COL11A2: variants seen among roughly 807,000 people sequenced by gnomAD.
The protein encoded by COL11A2 is collagen alpha-2(XI) chain.
Under a neutral mutation model 273.4 loss-of-function variants are expected in COL11A2, and 116 were observed. The observed-to-expected ratio is 0.42, with a 90% CI of 0.36 to 0.49. The LOEUF (loss-of-function observed/expected upper bound fraction) is 0.49. COL11A2 is among the 20% of genes least tolerant of loss of function. The probability of loss-of-function intolerance (pLI) is 0.00; values close to 1 mark genes in which losing one functional copy is unlikely to be tolerated. For synonymous variants in COL11A2, 782 were observed against 864.2 expected, an observed-to-expected ratio of 0.90 and a Z score of 1.67; for missense variants, 1,866 against 2,309.0, an observed-to-expected ratio of 0.81 and a Z score of 3.93.
chr6:33,192,146 G>C lies in COL11A2; in HGVS notation c.82+13C>G. The stretch of plus-strand genomic sequence containing the variant: ...CCTGACTCCGAGGACCCAGGCATCA[G>C]GACTCCTCTTACCTGCCCAGCCTGG... On this transcript the variant is annotated intron_variant, in intron 1 of 65. Coordinates refer to ENST00000341947, the MANE Select transcript of COL11A2 (RefSeq NM_080680.3). 6.4e-7 allele frequency: 1 copy of C among 1,552,674 alleles called. No individual in the cohort carries two copies. The highest frequency in any genetic ancestry group is 2.4e-5 in the East Asian group (1 of 41,352).
At position 33,167,580 on chromosome 6, in the gene COL11A2, T is replaced by A; in HGVS notation, c.4015-47A>T. 1 of 1,602,654 alleles carries A rather than the reference T, an allele frequency of 6.2e-7. No individual in the cohort carries two copies. The highest frequency in any genetic ancestry group is 8.5e-7 in the Non-Finnish European group (1 of 1,173,182). On this transcript the variant is annotated intron_variant, in intron 55 of 65. Coordinates refer to ENST00000341947, the MANE Select transcript of COL11A2 (RefSeq NM_080680.3). This position sits in a 1 kb window ranked among gnomAD's most constrained non-coding sequence, Gnocchi z 6.1. ...TGTCCTGAATGGCAGAGGAGTGGGG[T>A]GTGGGCAGGGGGCAGAGGGTCCAAG...
chr6:33,185,896 GGA>G lies in COL11A2; in HGVS notation c.799-120_799-119del, dbSNP rs371974094. On this transcript the variant is annotated intron_variant, in intron 5 of 65. Transcript: ENST00000341947. ...GGGAGTTGGGAAACGGGGGAGGTGT[GGA>G]GTTGGGAAACAGAGAGTTGAAGATG... The G allele has an allele frequency of 4.7e-3, 2,005 of 423,466 alleles. 47 individuals are homozygous for G. Among genetic ancestry groups the G allele is most frequent in the South Asian group, 0.032 (1,830 of 56,782 alleles). The allele number at this position is 423,466 out of a possible 1,614,324, so 26.2% of individuals were successfully genotyped here.
At chr6:33,174,082 T>C (rs1431098599) in intron 32 of COL11A2, 27 bp from the exon 33 acceptor site, 3 of 1,613,196 alleles carry the variant, frequency 1.9e-6, no homozygotes, top group South Asian at 1.1e-5. Flanking sequence ...AGAGAGAACA[T>C]TACCCAGGGT....
intron 9 of COL11A2, 32 bp from the exon 10 acceptor site, chr6:33,181,037 A>T (rs1771664064): frequency 6.2e-7 from 1 of 1,614,176 alleles, no homozygotes; most frequent in Non-Finnish European, 8.5e-7. Context: ...ATCAGAGGCG[A>T]CAGGACCAGC....
At chr6:33,175,861 T>TGGGGGGG (rs1562347518) in intron 29 of COL11A2, among the ~76,000 whole-genome samples, 155 bp downstream of exon 29, 1 of 151,954 alleles carries the variant, frequency 6.6e-6, no homozygotes, top group Admixed American at 6.5e-5. Context: ...ACACAGACCA[T>TGGGGGGG]GGGGCTATCA....
Position 33,185,735 on chromosome 6 carries a change from T to C in COL11A2, c.842A>G (p.Asp281Gly). The C allele has an allele frequency of 7.4e-7, 1 of 1,357,920 alleles. No homozygotes were observed. The highest frequency in any genetic ancestry group is 9.8e-7 in the Non-Finnish European group (1 of 1,018,272). 84.1% of individuals were successfully genotyped at this position (1,357,920 alleles called of 1,614,324 possible). The change falls in exon 6 of 66, where the codon GAT (aspartate) becomes GGT (glycine). Residue 281 changes from aspartate (D) to glycine (G), a missense_variant. Transcript: ENST00000341947. Reference protein sequence around the residue: ...LYYDYEPPYYDVMTTGTTPDY... With the variant: ...LYYDYEPPYYGVMTTGTTPDY... ...AGGGGTTGTCCCCGTAGTCATCACA[T>C]CATAATAGGGGGGCTCGTAGTCATA...
In COL11A2 at chr6:33,178,121, G is replaced by A. The variant is rs372001520; in HGVS notation, c.1872+11C>T. On this transcript the variant is annotated intron_variant, in intron 21 of 65. Transcript: ENST00000341947. The surrounding 1 kb of genome is among the most constrained non-coding windows in gnomAD (Gnocchi z 4.6). The stretch of plus-strand genomic sequence containing the variant: ...GGTCACCTCAGGGTCAGAAGTCAGG[G>A]AGTCACTTACAGGGGGTCCAGGAAT... The A allele has an allele frequency of 3.4e-5, 54 of 1,606,478 alleles. No individual in the cohort carries two copies. Among genetic ancestry groups the A allele is most frequent in the African/African-American group, 6.7e-5 (5 of 74,778 alleles).
Position 33,184,269 on chromosome 6 carries a change from T to C in COL11A2, c.995A>G (p.Tyr332Cys). 7.3e-7 allele frequency: 1 copy of C among 1,367,650 alleles called. No homozygotes were observed. The highest frequency in any genetic ancestry group is 1.5e-5 in the African/African-American group (1 of 67,834). 84.7% of individuals were successfully genotyped at this position (1,367,650 alleles called of 1,614,324 possible). A position where few individuals can be genotyped will look rare whatever the true frequency, so the allele number is the denominator to read the frequency against. Residue 332 changes from tyrosine to cysteine, a missense_variant, in exon 8 of 66, where the codon TAT becomes TGT. Physicochemically the swap from Tyr to Cys is radical, Grantham distance 194. Transcript: ENST00000341947. ...PTADRFQAEE[Y>C]GEGGTDPPEG... The stretch of plus-strand genomic sequence containing the variant: ...AGGGGGGTCTGTGCCACCCTCCCCA[T>C]ATTCCTCTGCCTGGAACCTGTCGGC...
intron 5 of COL11A2, chr6:33,186,391 C>A: frequency 1.4e-6 from 2 of 1,425,044 alleles, no homozygotes; most frequent in Non-Finnish European, 1.8e-6. Flanking sequence ...GACACAGTTC[C>A]AGGAAGACTG....
Position 33,179,800 on chromosome 6 carries a change from C to A in COL11A2, c.1365G>T (p.Arg455=). 1 of 1,611,314 alleles carries A rather than the reference C, an allele frequency of 6.2e-7. No homozygotes were observed. Among genetic ancestry groups the A allele is most frequent in the Non-Finnish European group, 8.5e-7 (1 of 1,179,992 alleles). The change falls in exon 13 of 66, where the codon CGG becomes CGT. Residue 455 remains arginine, a synonymous_variant. Transcript: ENST00000341947. The surrounding 1 kb of genome is among the most constrained non-coding windows in gnomAD (Gnocchi z 6.4). ...PPGTSLMLPF[R]FGSGGGDKGP... ...CCTTGTCACCCCCACCACTGCCAAACCGGAACTGAGGTCAAGGAGAGAAGG... is the reference window on the plus strand; with the variant it reads ...CCTTGTCACCCCCACCACTGCCAAAACGGAACTGAGGTCAAGGAGAGAAGG...
At chr6:33,172,957 T>C (rs918916756) in intron 38 of COL11A2, 103 bp downstream of exon 38, 1 of 1,261,146 alleles carries the variant, frequency 7.9e-7, no homozygotes, top group Admixed American at 1.9e-5. Flanking sequence ...GCCCCAGGAG[T>C]CTGGGTCAGG....
chr6:33,184,500 T>C (rs1405145720), intron 7 of COL11A2, among the ~76,000 whole-genome samples, 176 bp from the exon 8 acceptor site: 1 of 152,032 alleles, frequency 6.6e-6, no homozygotes, highest in African/African-American at 2.4e-5. Context: ...GGAAGGGCCA[T>C]CAAAGGCCAA....
chr6:33,176,665 G>A lies in COL11A2; in HGVS notation c.2115+56C>T, dbSNP rs1339094730. On this transcript the variant is annotated intron_variant, in intron 26 of 65. Transcript: ENST00000341947. The surrounding 1 kb of genome is among the most constrained non-coding windows in gnomAD (Gnocchi z 4.9). ...GACAAGGGAATCCCAAGGACTTTGA[G>A]GCTCTAGAGTCTGAGTGGAGACTCC... is the stretch of plus-strand genomic sequence containing the variant. 1.3e-6 allele frequency: 2 copies of A among 1,553,034 alleles called. No individual in the cohort carries two copies. Among genetic ancestry groups the A allele is most frequent in the Non-Finnish European group, 1.8e-6 (2 of 1,130,210 alleles).
chr6:33,183,212 G>A (rs1156534824), intron 8 of COL11A2, among the ~76,000 whole-genome samples: 2 of 152,204 alleles, frequency 1.3e-5, no homozygotes, highest in African/African-American at 2.4e-5. Context: ...ACACTTGGAA[G>A]CAAGAATGAT....
chr6:33,167,617 G>A lies in COL11A2; in HGVS notation c.4015-84C>T. On this transcript the variant is annotated intron_variant, in intron 55 of 65. Coordinates refer to ENST00000341947, the MANE Select transcript of COL11A2 (RefSeq NM_080680.3). The surrounding 1 kb of genome is among the most constrained non-coding windows in gnomAD (Gnocchi z 6.1). ...GCAGAGGGTCCAAGGTGGGAGGCAGGAGGCAGGGAGGAAGGGCCAAACTCT... is the reference window on the plus strand; with the variant it reads ...GCAGAGGGTCCAAGGTGGGAGGCAGAAGGCAGGGAGGAAGGGCCAAACTCT... 3.3e-6 allele frequency: 5 copies of A among 1,527,680 alleles called. No individual in the cohort carries two copies. Among genetic ancestry groups the A allele is most frequent in the Non-Finnish European group, 4.5e-6 (5 of 1,113,306 alleles). The allele number at this position is 1,527,680 out of a possible 1,614,324, so 94.6% of individuals were successfully genotyped here.
At position 33,173,082 on chromosome 6, in the gene COL11A2, G is replaced by A. The variant is rs771433747; in HGVS notation, c.2768C>T (p.Pro923Leu). ...TACCTGAGGTCCCACCACTCCTGGA[G>A]GACCAGGGGGGCCGGTCTTCCCTTG... Reference protein sequence around the residue: ...GFQGKTGPPGPPGVVGPQGAA... With the variant: ...GFQGKTGPPGLPGVVGPQGAA... The change falls in exon 38 of 66, where the codon CCT becomes CTT. Residue 923 changes from proline (P) to leucine (L), a missense_variant. Physicochemically the swap from Pro to Leu is moderately conservative, Grantham distance 98 (BLOSUM62 -3). Coordinates refer to ENST00000341947, the MANE Select transcript of COL11A2 (RefSeq NM_080680.3). The surrounding 1 kb of genome is among the most constrained non-coding windows in gnomAD (Gnocchi z 6.3). 1 of 1,612,644 alleles carries A rather than the reference G, an allele frequency of 6.2e-7. No homozygotes were observed. The highest frequency in any genetic ancestry group is 2.2e-5 in the East Asian group (1 of 44,862).
chr6:33,191,626 G>T (rs12528746), intron 1 of COL11A2, among the ~76,000 whole-genome samples: 1 of 152,264 alleles, frequency 6.6e-6, no homozygotes, highest in Non-Finnish European at 1.5e-5. Flanking sequence ...AGAGCCAGCT[G>T]CGTGGCAGCA....
rs1325398452 is a variant in COL11A2 at position 33,167,998 on chromosome 6, G to A, written c.3961-146C>T. On this transcript the variant is annotated intron_variant, in intron 54 of 65. Coordinates refer to ENST00000341947, the MANE Select transcript of COL11A2 (RefSeq NM_080680.3). The surrounding 1 kb of genome is among the most constrained non-coding windows in gnomAD (Gnocchi z 6.1). Reference sequence around the variant, plus strand: ...ACGCGCCGAGGGCCGATTCACAGATGTGCAGAACAGATACAGCTGTGACAG... The same window carrying A: ...ACGCGCCGAGGGCCGATTCACAGATATGCAGAACAGATACAGCTGTGACAG... The A allele has an allele frequency of 1.2e-6, 1 of 826,874 alleles. No homozygotes were observed. The highest frequency in any genetic ancestry group is 1.7e-5 in the African/African-American group (1 of 59,638). The allele number at this position is 826,874 out of a possible 1,614,324, so 51.2% of individuals were successfully genotyped here. A position where few individuals can be genotyped will look rare whatever the true frequency, so the allele number is the denominator to read the frequency against.
intron 11 of COL11A2, 116 bp downstream of exon 11, chr6:33,180,552 A>G (rs1290009354): frequency 1.0e-6 from 1 of 981,716 alleles, no homozygotes; most frequent in Non-Finnish European, 1.6e-6. Flanking sequence ...AAGCACAACC[A>G]TCCCCTCATT....
Sources: allele counts gnomAD v4.1 joint callset (sites outside exome capture counted in the v4.1 genomes callset), GRCh38; gene constraint gnomAD v4.1.1; non-coding constraint Gnocchi (gnomAD v3.1); transcripts MANE v1.5; gene names NCBI Gene and HGNC (gene_info 2026-07-23, HGNC 2026-07-21).